The following CCBE1 variants were observed in gnomAD, a reference collection of about 807,000 sequenced individuals.
CCBE1 encodes the protein collagen and calcium-binding EGF domain-containing protein 1.
A neutral mutation model predicts 50.0 loss-of-function variants in CCBE1; 37 were observed. That is an observed-to-expected ratio of 0.74 (90% CI 0.57 to 0.97). The LOEUF (loss-of-function observed/expected upper bound fraction) is 0.97, where lower values mean the gene tolerates loss of function less well. CCBE1 is among the 50% of genes least tolerant of loss of function. The pLI is 0.00. For synonymous variants in CCBE1, 234 were observed against 203.7 expected (o/e 1.15, Z -1.27); for missense variants, 538 against 523.8 (o/e 1.03, Z -0.26).
Position 59,513,796 on chromosome 18 carries a change from G to A in CCBE1, c.213-33558C>T, listed in dbSNP as rs934346145. Among the ~76,000 whole-genome samples the A allele has an allele frequency of 3.3e-5, 5 of 152,342 alleles. No homozygotes were observed. The East Asian group carries it at 7.7e-4, about 24-fold the overall frequency. The stretch of plus-strand genomic sequence containing the variant: ...CCTCATATTAGAGACATGGAAATGG[G>A]GGCTCAGTGCTGGAGTTCAGACTCA... On this transcript the variant is annotated intron_variant, in intron 2 of 10. Coordinates refer to ENST00000439986, the MANE Select transcript of CCBE1 (RefSeq NM_133459.4).
intron 2 of CCBE1, among the ~76,000 whole-genome samples, chr18:59,669,386 G>A (rs894391313): frequency 6.6e-6 from 1 of 152,164 alleles, no homozygotes; most frequent in African/African-American, 2.4e-5. Flanking sequence ...TCCTTTCCCT[G>A]GAAAGAGGGT....
At chr18:59,586,708 A>T (rs2053183215) in intron 2 of CCBE1, among the ~76,000 whole-genome samples, 1 of 152,204 alleles carries the variant, frequency 6.6e-6, no homozygotes, top group Non-Finnish European at 1.5e-5. Flanking sequence ...TTTCAACAAA[A>T]GTTTCAGACC....
intron 2 of CCBE1, among the ~76,000 whole-genome samples, chr18:59,672,786 CTG>C (rs2054451279): frequency 6.6e-6 from 1 of 152,108 alleles, no homozygotes; most frequent in Non-Finnish European, 1.5e-5. Flanking sequence ...AAGAATAAAA[CTG>C]TATTTTATAA....
intron 6 of CCBE1, among the ~76,000 whole-genome samples, chr18:59,450,006 C>T (rs553377831): frequency 3.9e-5 from 6 of 152,264 alleles, no homozygotes; most frequent in East Asian, 3.9e-4. Context: ...ACTTTAGAGG[C>T]GGCTGTCCAG....
At chr18:59,634,173 C>G (rs2053888129) in intron 2 of CCBE1, among the ~76,000 whole-genome samples, 1 of 152,194 alleles carries the variant, frequency 6.6e-6, no homozygotes, top group South Asian at 2.1e-4. Context: ...AAATGAGGCC[C>G]TCAAAGGGCT....
At chr18:59,566,666 T>C (rs1209854999) in intron 2 of CCBE1, among the ~76,000 whole-genome samples, 1 of 152,210 alleles carries the variant, frequency 6.6e-6, no homozygotes, top group Non-Finnish European at 1.5e-5. Context: ...ATGCTGCTAA[T>C]CTTATCTGAA....
chr18:59,667,376 A>T (rs1279924113), intron 2 of CCBE1, among the ~76,000 whole-genome samples: 1 of 152,222 alleles, frequency 6.6e-6, no homozygotes, highest in African/African-American at 2.4e-5. Context: ...CTCCAGGGCC[A>T]AGGAGGAAGG....
At chr18:59,444,118 T>G (rs1910568010) in intron 7 of CCBE1, among the ~76,000 whole-genome samples, 1 of 126,332 alleles carries the variant, frequency 7.9e-6, no homozygotes, top group African/African-American at 3.7e-5. Context: ...GTATGTCACA[T>G]TTTGTTTTTC....
At chr18:59,496,607 C>A (rs1913368005) in intron 2 of CCBE1, among the ~76,000 whole-genome samples, 1 of 152,206 alleles carries the variant, frequency 6.6e-6, no homozygotes, top group African/African-American at 2.4e-5. Context: ...TTACCATCTT[C>A]TGCCTAATGG....
At chr18:59,600,156 C>G (rs532195516) in intron 2 of CCBE1, among the ~76,000 whole-genome samples, 119 of 152,248 alleles carry the variant, frequency 7.8e-4, no homozygotes, top group South Asian at 3.5e-3. Flanking sequence ...CTGTTAGGAA[C>G]CGGGCTGTGG....
chr18:59,607,076 A>G (rs1273071759), intron 2 of CCBE1, among the ~76,000 whole-genome samples: 1 of 145,572 alleles, frequency 6.9e-6, no homozygotes, highest in South Asian at 2.2e-4. Context: ...AAAAAAAAAA[A>G]GCACACAAGT....
intron 3 of CCBE1, among the ~76,000 whole-genome samples, chr18:59,475,139 T>C (rs978354996): frequency 9.9e-5 from 15 of 152,186 alleles, no homozygotes; most frequent in African/African-American, 3.6e-4. Context: ...ATCTTTACAG[T>C]GTATCTATTT....
chr18:59,488,807 G>A (rs1399831440), intron 2 of CCBE1, among the ~76,000 whole-genome samples: 1 of 152,124 alleles, frequency 6.6e-6, no homozygotes, highest in Non-Finnish European at 1.5e-5. Flanking sequence ...CAAGAGCTTG[G>A]TAAGCGCTGG....
chr18:59,639,465 A>G (rs949508021), intron 2 of CCBE1, among the ~76,000 whole-genome samples: 1 of 152,256 alleles, frequency 6.6e-6, no homozygotes, highest in South Asian at 2.1e-4. Context: ...TTAAAAAATC[A>G]ACAAATTAGG....
chr18:59,605,798 G>A (rs1258410891), intron 2 of CCBE1, among the ~76,000 whole-genome samples: 1 of 152,152 alleles, frequency 6.6e-6, no homozygotes, highest in Non-Finnish European at 1.5e-5. Flanking sequence ...GTTGTTGCCA[G>A]AGAAACGTTC....
In CCBE1 at chr18:59,622,661, C is replaced by T. The variant is rs569540558; in HGVS notation, c.212+73968G>A. Among the ~76,000 whole-genome samples the T allele has an allele frequency of 1.6e-3, 242 of 150,778 alleles. 1 individual carries two copies. The highest frequency in any genetic ancestry group is 5.6e-3 in the African/African-American group (228 of 40,962). ...ACTAAAAATACAAAATGTAGCTGGGCGTGGTGGCATGCGCCTATAATCCCA... is the reference window on the plus strand; with the variant it reads ...ACTAAAAATACAAAATGTAGCTGGGTGTGGTGGCATGCGCCTATAATCCCA... On this transcript the variant is annotated intron_variant, in intron 2 of 10. Transcript: ENST00000439986.
intron 2 of CCBE1, among the ~76,000 whole-genome samples, chr18:59,681,567 A>G (rs950298967): frequency 2.0e-5 from 3 of 152,144 alleles, no homozygotes; most frequent in African/African-American, 7.2e-5. Flanking sequence ...CTGCTATCCT[A>G]TGGCACAGCA....
rs552392386 is a variant in CCBE1 at position 59,646,188 on chromosome 18, A to G, written c.212+50441T>C. Among the ~76,000 whole-genome samples the G allele has an allele frequency of 3.3e-5, 5 of 152,316 alleles. No homozygotes were observed. In the East Asian group the frequency reaches 9.6e-4, roughly 29 times the overall value. On this transcript the variant is annotated intron_variant, in intron 2 of 10. Transcript: ENST00000439986. Reference sequence around the variant, plus strand: ...ATAAGTTGAAGTTGCATGTGAGTCCACTGGTGTTTGTCAGGCATAGGAAAC... The same window carrying G: ...ATAAGTTGAAGTTGCATGTGAGTCCGCTGGTGTTTGTCAGGCATAGGAAAC...
chr18:59,501,332 G>A (rs1384632980), intron 2 of CCBE1, among the ~76,000 whole-genome samples: 1 of 152,182 alleles, frequency 6.6e-6, no homozygotes, highest in African/African-American at 2.4e-5. Context: ...GAAGCACCAG[G>A]CTTGTGGTTC....
Sources: allele counts gnomAD v4.1 joint callset (sites outside exome capture counted in the v4.1 genomes callset), GRCh38; gene constraint gnomAD v4.1.1; transcripts MANE v1.5; gene names NCBI Gene and HGNC (gene_info 2026-07-23, HGNC 2026-07-21).